ADGRL2: variants seen among roughly 807,000 people sequenced by gnomAD.
ADGRL2 encodes the protein calcium-independent alpha-latrotoxin receptor 2.
ADGRL2 carries 44 observed loss-of-function variants against 157.4 expected under a neutral mutation model. That is an observed-to-expected ratio of 0.28 (90% CI 0.22 to 0.36). The LOEUF is 0.36. Among genes scored for constraint, ADGRL2 ranks in the 10% least tolerant of loss-of-function variants. The pLI, the probability that ADGRL2 is intolerant of heterozygous loss-of-function variation, is 1.00. For synonymous variants in ADGRL2, 585 were observed against 624.7 expected, an observed-to-expected ratio of 0.94 and a Z score of 0.95; for missense variants, 1,510 against 1,768.9, an observed-to-expected ratio of 0.85 and a Z score of 2.63.
At chr1:81,913,058 T>A (rs1339499816) in intron 3 of ADGRL2, among the ~76,000 whole-genome samples, 1 of 152,156 alleles carries the variant, frequency 6.6e-6, no homozygotes, top group Admixed American at 6.5e-5. Flanking sequence ...CAAAGCTGAT[T>A]TCAAAGCTCA....
intron 2 of ADGRL2, among the ~76,000 whole-genome samples, chr1:81,841,313 C>T (rs372416937): frequency 6.6e-6 from 1 of 152,026 alleles, no homozygotes; most frequent in South Asian, 2.1e-4. Context: ...TAGTTTCTTG[C>T]CAGTTTTTAC....
intron 2 of ADGRL2, among the ~76,000 whole-genome samples, chr1:81,882,374 TA>T (rs1053806541): frequency 2.2e-4 from 33 of 152,166 alleles, no homozygotes; most frequent in African/African-American, 7.5e-4. Context: ...GAGTAAAAAT[TA>T]ATTTTATCTT....
chr1:81,307,703 G>A (rs2100522521), intron 1 of ADGRL2, among the ~76,000 whole-genome samples: 1 of 152,218 alleles, frequency 6.6e-6, no homozygotes, highest in African/African-American at 2.4e-5. Flanking sequence ...GAATAGTTCT[G>A]ATGACATAAA....
At chr1:81,990,107 C>T in intron 23 of ADGRL2, 5 of 985,216 alleles carry the variant, frequency 5.1e-6, no homozygotes, top group Non-Finnish European at 6.0e-6. Context: ...AGAGATTTGA[C>T]CAAAATCAAT....
At chr1:81,541,936 C>A (rs1372514292) in intron 2 of ADGRL2, among the ~76,000 whole-genome samples, 2 of 152,066 alleles carry the variant, frequency 1.3e-5, no homozygotes, top group Non-Finnish European at 1.5e-5. Context: ...CCAGCCTGGG[C>A]AACAAGAGCA....
In ADGRL2 at chr1:81,379,661, A is replaced by T. The variant is rs1358695104; in HGVS notation, c.-301-65375A>T. Among the ~76,000 whole-genome samples, 3 of 152,222 alleles carry T rather than the reference A, an allele frequency of 2.0e-5. No individual in the cohort carries two copies. The East Asian group carries it at 5.8e-4, about 30-fold the overall frequency. ...TCCTCCCGGGCGATGGCCTGCCTGC[A>T]TGCTGGCGTCTGTCCGTGTGCTCTT... On this transcript the variant is annotated intron_variant, in intron 1 of 24. Coordinates refer to the ADGRL2 transcript ENST00000370721.
chr1:81,602,240 G>A lies in ADGRL2; in HGVS notation c.-143+21260G>A, dbSNP rs541893814. Among the ~76,000 whole-genome samples the A allele has an allele frequency of 2.6e-5, 4 of 151,924 alleles. No individual in the cohort carries two copies. In the South Asian group the frequency reaches 8.3e-4, roughly 32 times the overall value. ...TTTGGGAGGCTGAGGTGGGTGGATCGCTTGAGGTCAGGAGTTTGAGACCAG... is the reference window on the plus strand; with the variant it reads ...TTTGGGAGGCTGAGGTGGGTGGATCACTTGAGGTCAGGAGTTTGAGACCAG... On this transcript the variant is annotated intron_variant, in intron 3 of 24. Coordinates refer to the ADGRL2 transcript ENST00000370721.
At chr1:81,839,027 A>G (rs1015608405) in intron 2 of ADGRL2, among the ~76,000 whole-genome samples, 4 of 152,072 alleles carry the variant, frequency 2.6e-5, no homozygotes, top group Non-Finnish European at 4.4e-5. Context: ...CTTACATGAC[A>G]TCATAGTCCT....
intron 1 of ADGRL2, among the ~76,000 whole-genome samples, chr1:81,760,352 A>C (rs1001427767): frequency 6.6e-6 from 1 of 152,130 alleles, no homozygotes; most frequent in Non-Finnish European, 1.5e-5. Flanking sequence ...GAGATAATTA[A>C]ATCTAACCCC....
intron 1 of ADGRL2, among the ~76,000 whole-genome samples, chr1:81,726,868 A>G (rs964979279): frequency 2.0e-5 from 3 of 152,196 alleles, no homozygotes; most frequent in Non-Finnish European, 4.4e-5. Context: ...ATCCTAAGCT[A>G]TCATTAGGGA....
chr1:81,437,042 G>A (rs1306100627), intron 1 of ADGRL2, among the ~76,000 whole-genome samples: 1 of 152,088 alleles, frequency 6.6e-6, no homozygotes, highest in Non-Finnish European at 1.5e-5. Flanking sequence ...TTTCATATTT[G>A]TAGTAATGAT....
chr1:81,507,217 T>A (rs910596955), intron 2 of ADGRL2, among the ~76,000 whole-genome samples: 1 of 151,996 alleles, frequency 6.6e-6, no homozygotes, highest in Admixed American at 6.6e-5. Context: ...GGAGGACCAA[T>A]GGAAGCCCCA....
intron 1 of ADGRL2, among the ~76,000 whole-genome samples, chr1:81,399,548 C>T (rs113062009): frequency 9.9e-5 from 15 of 152,060 alleles, no homozygotes; most frequent in African/African-American, 3.6e-4. Flanking sequence ...ATTCATTCTT[C>T]TGCTTAACCA....
chr1:81,691,354 TTAAAGA>T (rs1309882564), intron 3 of ADGRL2, among the ~76,000 whole-genome samples: 1 of 151,962 alleles, frequency 6.6e-6, no homozygotes, highest in Non-Finnish European at 1.5e-5. Flanking sequence ...TATAAATTGG[TTAAAGA>T]TAAAGCATTA....
At chr1:81,567,542 C>T (rs1419011685) in intron 2 of ADGRL2, among the ~76,000 whole-genome samples, 1 of 151,952 alleles carries the variant, frequency 6.6e-6, no homozygotes, top group Non-Finnish European at 1.5e-5. Flanking sequence ...TTAATGAACA[C>T]AAAACACTTC....
At position 81,608,388 on chromosome 1, in the gene ADGRL2, A is replaced by G. The variant is rs556365302; in HGVS notation, c.-143+27408A>G. Among the ~76,000 whole-genome samples the G allele has an allele frequency of 1.7e-4, 26 of 152,144 alleles. No individual in the cohort carries two copies. The South Asian group carries it at 5.2e-3, about 30-fold the overall frequency. On this transcript the variant is annotated intron_variant, in intron 3 of 24. Transcript: ENST00000370721. ...TTCACAGCATAATGAAAGCACAGGT[A>G]TTTTCTTTGCTAGTTTCATGTCCAT...
chr1:81,355,241 C>A (rs1663193918), intron 1 of ADGRL2, among the ~76,000 whole-genome samples: 1 of 152,026 alleles, frequency 6.6e-6, no homozygotes, highest in Non-Finnish European at 1.5e-5. Flanking sequence ...TGCCTGTAGT[C>A]CCAGCTACTC....
At chr1:81,760,150 A>T (rs1391270753) in intron 1 of ADGRL2, among the ~76,000 whole-genome samples, 1 of 152,126 alleles carries the variant, frequency 6.6e-6, no homozygotes, top group Admixed American at 6.6e-5. Context: ...GAAAACATTT[A>T]TATGTGTGGG....
At chr1:81,346,947 G>C (rs1463565353) in intron 1 of ADGRL2, among the ~76,000 whole-genome samples, 1 of 152,132 alleles carries the variant, frequency 6.6e-6, no homozygotes, top group African/African-American at 2.4e-5. Context: ...GTGCATGCAA[G>C]AAAAAGCCTA....
Sources: gnomAD v4.1 joint callset for allele counts (sites outside exome capture counted in the v4.1 genomes callset) on GRCh38, gnomAD v4.1.1 for gene constraint, MANE v1.5 for transcripts, NCBI Gene and HGNC (gene_info 2026-07-23, HGNC 2026-07-21) for gene names.